The following ZNF536 variants were observed in gnomAD, a reference collection of about 807,000 sequenced individuals.
ZNF536 encodes the protein zinc finger protein 536.
Under a neutral mutation model 84.5 loss-of-function variants are expected in ZNF536, and 13 were observed. The observed-to-expected ratio is 0.15, with a 90% confidence interval of 0.10 to 0.24. ZNF536 has a LOEUF of 0.24. ZNF536 is among the 10% of genes least tolerant of loss of function. The pLI is 1.00. For synonymous variants in ZNF536, 811 were observed against 742.5 expected (o/e 1.09, Z -1.50); for missense variants, 1,536 against 1,747.5 (o/e 0.88, Z 2.16).
intron 2 of ZNF536, among the ~76,000 whole-genome samples, chr19:30,496,332 C>T (rs1019743176): frequency 1.3e-5 from 2 of 152,178 alleles, no homozygotes; most frequent in East Asian, 1.9e-4. Context: ...TTCCAGGAAG[C>T]TTTCCTTATT....
At chr19:30,343,079 G>A (rs778720346) in intron 2 of ZNF536, among the ~76,000 whole-genome samples, 4 of 152,092 alleles carry the variant, frequency 2.6e-5, no homozygotes, top group Non-Finnish European at 5.9e-5. Context: ...CCCCACCCTC[G>A]GCCCGGTGGG....
chr19:30,294,837 G>A (rs865952584), intron 2 of ZNF536, among the ~76,000 whole-genome samples: 1 of 152,154 alleles, frequency 6.6e-6, no homozygotes, highest in African/African-American at 2.4e-5. Flanking sequence ...AAGCTTGTGA[G>A]GGAGGTTGAG....
chr19:30,622,161 C>A (rs2048506374), intron 1 of ZNF536, among the ~76,000 whole-genome samples: 1 of 152,134 alleles, frequency 6.6e-6, no homozygotes, highest in Non-Finnish European at 1.5e-5. Context: ...AATGGGTTCC[C>A]TGTTATTTAT....
intron 1 of ZNF536, among the ~76,000 whole-genome samples, chr19:30,705,537 C>T (rs193000563): frequency 3.9e-5 from 6 of 152,304 alleles, no homozygotes; most frequent in Non-Finnish European, 8.8e-5. Context: ...TCTAGATTCA[C>T]TGTATCTCAG....
chr19:30,481,481 C>T (rs2054085612), intron 2 of ZNF536, among the ~76,000 whole-genome samples: 1 of 152,084 alleles, frequency 6.6e-6, no homozygotes, highest in Admixed American at 6.6e-5. Context: ...TGGAATCCTA[C>T]CTCTCTTTTC....
intron 1 of ZNF536, among the ~76,000 whole-genome samples, chr19:30,241,763 C>G: frequency 6.6e-6 from 1 of 152,290 alleles, no homozygotes; most frequent in Non-Finnish European, 1.5e-5. Flanking sequence ...CCCTGTGATT[C>G]GTGCTGCTCT....
intron 1 of ZNF536, among the ~76,000 whole-genome samples, chr19:30,248,865 C>T (rs540556015): frequency 9.9e-5 from 15 of 152,010 alleles, no homozygotes; most frequent in South Asian, 6.3e-4. Flanking sequence ...TTTTTAGCAC[C>T]CCTCCCCCAG....
intron 1 of ZNF536, among the ~76,000 whole-genome samples, chr19:30,662,482 T>C (rs956847801): frequency 1.3e-5 from 2 of 152,162 alleles, no homozygotes; most frequent in African/African-American, 4.8e-5. Context: ...GCTGAACGAA[T>C]CAATCTGGAT....
chr19:30,598,672 A>G (rs1448978081), intron 1 of ZNF536, among the ~76,000 whole-genome samples: 2 of 152,142 alleles, frequency 1.3e-5, no homozygotes, highest in African/African-American at 4.8e-5. Context: ...CTGGATAAAC[A>G]TGGTGATTTT....
intron 1 of ZNF536, among the ~76,000 whole-genome samples, chr19:30,643,143 G>T (rs912970852): frequency 7.9e-5 from 12 of 152,214 alleles, no homozygotes; most frequent in African/African-American, 2.9e-4. Flanking sequence ...GGATCCTGTG[G>T]TGGGGGAACG....
intron 2 of ZNF536, among the ~76,000 whole-genome samples, chr19:30,463,351 G>A (rs1414412881): frequency 1.3e-5 from 2 of 152,134 alleles, no homozygotes; most frequent in Non-Finnish European, 2.9e-5. Flanking sequence ...TGGAAGATCT[G>A]GCTTTTGGGG....
chr19:30,267,892 C>T (rs1247875589), intron 1 of ZNF536, among the ~76,000 whole-genome samples: 1 of 151,986 alleles, frequency 6.6e-6, no homozygotes, highest in Non-Finnish European at 1.5e-5. Context: ...CAGAGACACA[C>T]ACACACACAC....
intron 1 of ZNF536, among the ~76,000 whole-genome samples, chr19:30,240,857 C>T (rs551088416): frequency 1.4e-4 from 21 of 152,294 alleles, no homozygotes; most frequent in Admixed American, 5.9e-4. Context: ...GGAACTGCTG[C>T]GGCAATCTGG....
At chr19:30,465,846 G>A (rs1447687753) in intron 2 of ZNF536, among the ~76,000 whole-genome samples, 1 of 152,168 alleles carries the variant, frequency 6.6e-6, no homozygotes, top group East Asian at 1.9e-4. Flanking sequence ...CACCTCCCAG[G>A]TTCATGCCAT....
intron 1 of ZNF536, among the ~76,000 whole-genome samples, chr19:30,645,445 G>T (rs911728149): frequency 2.6e-5 from 4 of 152,132 alleles, no homozygotes; most frequent in East Asian, 1.9e-4. Context: ...AAATTTTTTT[G>T]GGGGGAATCA....
chr19:30,502,659 GA>G (rs1462228150), intron 2 of ZNF536, among the ~76,000 whole-genome samples: 1 of 152,124 alleles, frequency 6.6e-6, no homozygotes, highest in African/African-American at 2.4e-5. Flanking sequence ...ATTTTCTTAA[GA>G]AAAAGGACAA....
chr19:30,593,555 G>A (rs1174958886), intron 1 of ZNF536, among the ~76,000 whole-genome samples: 2 of 152,180 alleles, frequency 1.3e-5, no homozygotes, highest in Admixed American at 6.5e-5. Flanking sequence ...CAGCACACCC[G>A]GCTGTGACTC....
intron 1 of ZNF536, among the ~76,000 whole-genome samples, chr19:30,261,482 T>C (rs2025218994): frequency 6.6e-6 from 1 of 151,618 alleles, no homozygotes; most frequent in Non-Finnish European, 1.5e-5. Context: ...AGAGGATAGC[T>C]TGAGCCCTGG....
chr19:30,429,277 T>C (rs1390667831), intron 1 of ZNF536, among the ~76,000 whole-genome samples: 1 of 152,194 alleles, frequency 6.6e-6, no homozygotes, highest in African/African-American at 2.4e-5. Context: ...TTGGGAATGT[T>C]GCCCTGGTGG....
Sources: gnomAD v4.1 joint callset for allele counts (sites outside exome capture counted in the v4.1 genomes callset) on GRCh38, gnomAD v4.1.1 for gene constraint, MANE v1.5 for transcripts, NCBI Gene and HGNC (gene_info 2026-07-23, HGNC 2026-07-21) for gene names.